ARFGEF3: variants seen among roughly 807,000 people sequenced by gnomAD.
ARFGEF3 encodes the protein ARFGEF family member 3, also known as brefeldin A-inhibited guanine nucleotide-exchange protein 3.
ARFGEF3 carries 96 observed loss-of-function variants against 221.7 expected under a neutral mutation model. That is an observed-to-expected ratio of 0.43 (90% CI 0.37 to 0.51). The LOEUF is 0.51. Among genes scored for constraint, ARFGEF3 ranks in the 20% least tolerant of loss-of-function variants. The pLI is 0.00. For missense variants in ARFGEF3, 2,410 were observed against 2,789.9 expected (o/e 0.86, Z 3.07); for synonymous variants, 1,145 against 1,126.8 (o/e 1.02, Z -0.32).
rs201940749 is a variant in ARFGEF3 at position 138,334,123 on chromosome 6, C to A, written c.5277C>A (p.Leu1759=). 3 of 1,613,934 alleles carry A rather than the reference C, an allele frequency of 1.9e-6. No individual in the cohort carries two copies. The East Asian group carries it at 6.7e-5, about 36-fold the overall frequency. The part of the protein sequence containing the change: ...QVPEAKLAGF[L]RYISMQNLAV... ...CAGAAGCCAAGCTGGCTGGCTTCCT[C>A]AGATACATCTCTATGCAGAACTTGG... is the stretch of plus-strand genomic sequence containing the variant. Residue 1759 remains leucine, a synonymous_variant, in exon 33 of 34, where the codon CTC becomes CTA. Transcript: ENST00000251691. The surrounding 1 kb of genome is among the most constrained non-coding windows in gnomAD (Gnocchi z 5.1).
intron 33 of ARFGEF3, 63 bp downstream of exon 33, chr6:138,335,251 C>G (rs1038541252): frequency 2.8e-6 from 4 of 1,444,908 alleles, no homozygotes; most frequent in Admixed American, 2.6e-5. Flanking sequence ...GATGGGCCCC[C>G]CCTTGCAGAG....
At chr6:138,311,336 A>T in intron 24 of ARFGEF3, 71 bp from the exon 25 acceptor site, 1 of 904,602 alleles carries the variant, frequency 1.1e-6, no homozygotes, top group Non-Finnish European at 1.8e-6. Context: ...TATGTGAGTA[A>T]ACAGGTCTCC....
At position 138,262,730 on chromosome 6, in the gene ARFGEF3, T is replaced by A. The variant is rs201990244; in HGVS notation, c.1247T>A (p.Ile416Asn). 3 of 1,609,336 alleles carry A rather than the reference T, an allele frequency of 1.9e-6. No individual in the cohort carries two copies. Among genetic ancestry groups the A allele is most frequent in the Non-Finnish European group, 2.6e-6 (3 of 1,176,012 alleles). ...ATGGATGGCATGACCGAAGCATGCATCAAGGGTGGCATCGAAGCTTGCTAT... is the reference window on the plus strand; with the variant it reads ...ATGGATGGCATGACCGAAGCATGCAACAAGGGTGGCATCGAAGCTTGCTAT... Reference protein sequence around the residue: ...LIMDGMTEACIKGGIEACYAA... With the variant: ...LIMDGMTEACNKGGIEACYAA... Residue 416 changes from isoleucine (I) to asparagine (N), a missense_variant, in exon 12 of 34, where the codon ATC becomes AAC. Physicochemically the swap from Ile to Asn is moderately radical, Grantham distance 149 (BLOSUM62 -3). Coordinates refer to ENST00000251691, the MANE Select transcript of ARFGEF3 (RefSeq NM_020340.5).
rs1777114416 is a variant in ARFGEF3, at chr6:138,183,150, C to T, written c.137+12437C>T. 3.9e-5 allele frequency among the ~76,000 whole-genome samples: 6 copies of T among 151,988 alleles called. No homozygotes were observed. In the South Asian group the frequency reaches 1.0e-3, roughly 26 times the overall value. On this transcript the variant is annotated intron_variant, in intron 2 of 33. Coordinates refer to ENST00000251691, the MANE Select transcript of ARFGEF3 (RefSeq NM_020340.5). ...TGGGGGTTGGGAGAAGGAGAGATCC[C>T]GTGACTGGGAAGGGCAGAGGGAGAG...
Position 138,223,022 on chromosome 6 carries a change from C to T in ARFGEF3, c.352-6762C>T, listed in dbSNP as rs865953747. ...CAAAGACAAACATTCTGCCATTTTG[C>T]GAACTTCAGAAGACTAAGTCTGCTT... On this transcript the variant is annotated intron_variant, in intron 4 of 33. Transcript: ENST00000251691. Among the ~76,000 whole-genome samples the T allele has an allele frequency of 3.3e-5, 5 of 152,234 alleles. No homozygotes were observed. The Middle Eastern group carries it at 0.01, about 311-fold the overall frequency.
chr6:138,231,219 G>A, intron 5 of ARFGEF3, among the ~76,000 whole-genome samples: 1 of 152,144 alleles, frequency 6.6e-6, no homozygotes, highest in Non-Finnish European at 1.5e-5. Context: ...TGTTCACTGA[G>A]AGTATCTGGA....
chr6:138,334,949 C>A lies in ARFGEF3; in HGVS notation c.6103C>A (p.Gln2035Lys). 1 of 1,588,288 alleles carries A rather than the reference C, an allele frequency of 6.3e-7. No homozygotes were observed. The highest frequency in any genetic ancestry group is 8.6e-7 in the Non-Finnish European group (1 of 1,167,922). ...LMTEYKKRKQ[Q>K]HNLSAFPKEV... ...GACCGAATACAAAAAGAGGAAACAG[C>A]AGCACAACCTGTCCGCGTTCCCCAA... Residue 2035 changes from glutamine to lysine, a missense_variant, in exon 33 of 34, where the codon CAG becomes AAG. Around this residue, in one of 5 missense-constraint regions of ARFGEF3, gnomAD observed 339 missense variants for 334.9 expected, o/e 1.01. Coordinates refer to ENST00000251691, the MANE Select transcript of ARFGEF3 (RefSeq NM_020340.5). The surrounding 1 kb of genome is among the most constrained non-coding windows in gnomAD (Gnocchi z 5.1).
At chr6:138,286,449 CAAAA>C (rs960871572) in intron 15 of ARFGEF3, among the ~76,000 whole-genome samples, 1 of 56,538 alleles carries the variant, frequency 1.8e-5, no homozygotes. Context: ...GACTCCGTCT[CAAAA>C]AAAAAAAAAA....
At chr6:138,259,261 C>T (rs1265570785) in intron 10 of ARFGEF3, among the ~76,000 whole-genome samples, 1 of 152,210 alleles carries the variant, frequency 6.6e-6, no homozygotes, top group Non-Finnish European at 1.5e-5. Flanking sequence ...AGTTTGAAGG[C>T]TTGGTATGTT....
intron 4 of ARFGEF3, among the ~76,000 whole-genome samples, chr6:138,222,738 T>G (rs1180880725): frequency 1.3e-5 from 2 of 152,188 alleles, no homozygotes. Context: ...AAAACTTCAA[T>G]AGCTTTAGGG....
Position 138,255,873 on chromosome 6 carries a change from T to C in ARFGEF3, c.1104+104T>C. ...AGGCTTGCCAATCACTTGCCGGAACTTCATTACTGCCTCATGGTGTCCAGT... is the reference window on the plus strand; with the variant it reads ...AGGCTTGCCAATCACTTGCCGGAACCTCATTACTGCCTCATGGTGTCCAGT... On this transcript the variant is annotated intron_variant, in intron 10 of 33. Coordinates refer to ENST00000251691, the MANE Select transcript of ARFGEF3 (RefSeq NM_020340.5). 2.1e-6 allele frequency: 2 copies of C among 930,716 alleles called. 1 individual carries two copies. Among genetic ancestry groups the C allele is most frequent in the South Asian group, 3.5e-5 (2 of 56,974 alleles). The allele number at this position is 930,716 out of a possible 1,614,324, so 57.7% of individuals were successfully genotyped here.
chr6:138,206,262 C>T (rs2114492191), intron 2 of ARFGEF3, among the ~76,000 whole-genome samples: 1 of 150,594 alleles, frequency 6.6e-6, no homozygotes, highest in South Asian at 2.1e-4. Context: ...ACATTTTTGT[C>T]TTTGTAACTC....
intron 22 of ARFGEF3, among the ~76,000 whole-genome samples, chr6:138,299,192 ACT>A (rs964213951): frequency 2.7e-5 from 3 of 112,874 alleles, no homozygotes; most frequent in Non-Finnish European, 5.2e-5. Context: ...ACAGAGCGAG[ACT>A]CTGTAAAAAA....
At chr6:138,174,175 A>C (rs76477554) in intron 2 of ARFGEF3, among the ~76,000 whole-genome samples, 22 of 152,262 alleles carry the variant, frequency 1.4e-4, no homozygotes, top group African/African-American at 4.6e-4. Flanking sequence ...AGGAGGTTTC[A>C]GTTTGTGATT....
intron 2 of ARFGEF3, among the ~76,000 whole-genome samples, chr6:138,187,215 C>G (rs998568432): frequency 6.6e-6 from 1 of 152,166 alleles, no homozygotes; most frequent in Non-Finnish European, 1.5e-5. Context: ...GCTCCCGGCC[C>G]TCTCATCCTT....
chr6:138,314,827 T>C (rs1445253492), intron 26 of ARFGEF3, among the ~76,000 whole-genome samples: 4 of 152,232 alleles, frequency 2.6e-5, no homozygotes, highest in Non-Finnish European at 5.9e-5. Flanking sequence ...AACCGTAGCA[T>C]AGATCATAAG....
At position 138,328,055 on chromosome 6, in the gene ARFGEF3, C is replaced by T; in HGVS notation, c.5036C>T (p.Thr1679Ile). ...CTGGACACCCAGTGCTCACCAAAGA[C>T]ACCAAACAACTTTGACCACGCTCAG... ...FMLDTQCSPK[T>I]PNNFDHAQSC... The change falls in exon 32 of 34, where the codon ACA (threonine) becomes ATA (isoleucine). Residue 1679 changes from threonine (T) to isoleucine (I), a missense_variant. Around this residue, in one of 5 missense-constraint regions of ARFGEF3, gnomAD observed 723 missense variants for 991.9 expected, o/e 0.73. Transcript: ENST00000251691. 1 of 1,557,050 alleles carries T rather than the reference C, an allele frequency of 6.4e-7. No individual in the cohort carries two copies. The highest frequency in any genetic ancestry group is 8.7e-7 in the Non-Finnish European group (1 of 1,149,466).
intron 2 of ARFGEF3, among the ~76,000 whole-genome samples, chr6:138,176,205 G>C (rs913966255): frequency 7.3e-6 from 1 of 136,274 alleles, no homozygotes; most frequent in East Asian, 2.3e-4. Flanking sequence ...TTTTTTAGAC[G>C]GAGTCTTGCT....
At chr6:138,229,913 AT>A in intron 5 of ARFGEF3, 61 bp downstream of exon 5, 1 of 1,395,928 alleles carries the variant, frequency 7.2e-7, no homozygotes, top group South Asian at 1.2e-5. Flanking sequence ...ACTGGGATAA[AT>A]ATTGGGGTGG....
Sources: gnomAD v4.1 joint callset for allele counts (sites outside exome capture counted in the v4.1 genomes callset) on GRCh38, gnomAD v4.1.1 for gene constraint, gnomAD v4.1.1 regional missense constraint, Gnocchi (gnomAD v3.1) non-coding constraint, MANE v1.5 for transcripts, NCBI Gene and HGNC (gene_info 2026-07-23, HGNC 2026-07-21) for gene names.